KCNH8: variants seen among roughly 807,000 people sequenced by gnomAD.
KCNH8 encodes potassium voltage-gated channel subfamily H member 8.
KCNH8 carries 70 observed loss-of-function variants against 103.6 expected under a neutral mutation model. The observed-to-expected ratio is 0.68, with a 90% CI of 0.56 to 0.82. The LOEUF (loss-of-function observed/expected upper bound fraction) is 0.82, where lower values mean the gene tolerates loss of function less well. Ranked by LOEUF, KCNH8 falls within the 40% of genes least tolerant of loss-of-function variation. The pLI is 0.00. For missense variants in KCNH8, 1,217 were observed against 1,329.9 expected (o/e 0.92, Z 1.32); for synonymous variants, 498 against 489.4 (o/e 1.02, Z -0.23).
At chr3:19,497,857 T>A (rs1335990868) in intron 11 of KCNH8, among the ~76,000 whole-genome samples, 1 of 152,194 alleles carries the variant, frequency 6.6e-6, no homozygotes, top group Non-Finnish European at 1.5e-5. Flanking sequence ...CTCCCACTAC[T>A]ATTATGTGGG....
chr3:19,289,174 G>A (rs2064881038), intron 3 of KCNH8, among the ~76,000 whole-genome samples: 1 of 151,866 alleles, frequency 6.6e-6, no homozygotes, highest in Non-Finnish European at 1.5e-5. Context: ...CATTCTGTAG[G>A]TTGCCTGTTC....
intron 5 of KCNH8, among the ~76,000 whole-genome samples, chr3:19,352,692 A>C (rs1344235820): frequency 6.6e-6 from 1 of 152,150 alleles, no homozygotes; most frequent in Admixed American, 6.6e-5. Context: ...CAGTGAGAAC[A>C]AAGACACAAC....
intron 1 of KCNH8, among the ~76,000 whole-genome samples, chr3:19,202,986 C>A (rs1210555382): frequency 6.6e-6 from 1 of 152,088 alleles, no homozygotes; most frequent in African/African-American, 2.4e-5. Flanking sequence ...ATACTGTTTG[C>A]ATTTTGTTCA....
intron 1 of KCNH8, among the ~76,000 whole-genome samples, chr3:19,172,238 G>A (rs2063355245): frequency 6.6e-6 from 1 of 152,092 alleles, no homozygotes; most frequent in African/African-American, 2.4e-5. Flanking sequence ...GTACCTCAGA[G>A]AAAGAGGGGG....
At chr3:19,238,568 T>C (rs2064094267) in intron 1 of KCNH8, among the ~76,000 whole-genome samples, 1 of 152,206 alleles carries the variant, frequency 6.6e-6, no homozygotes, top group African/African-American at 2.4e-5. Context: ...AGGAAATACA[T>C]TTTGCTTTCC....
chr3:19,320,517 T>A (rs2065335870), intron 3 of KCNH8, among the ~76,000 whole-genome samples: 1 of 152,012 alleles, frequency 6.6e-6, no homozygotes, highest in Non-Finnish European at 1.5e-5. Context: ...CCTACATTAC[T>A]GGTATGAAAC....
At chr3:19,485,015 T>C (rs992368746) in intron 11 of KCNH8, among the ~76,000 whole-genome samples, 11 of 152,192 alleles carry the variant, frequency 7.2e-5, no homozygotes, top group African/African-American at 2.4e-4. Flanking sequence ...TTTTCTGACA[T>C]ACTTTTTTAA....
intron 11 of KCNH8, among the ~76,000 whole-genome samples, chr3:19,486,523 T>C (rs914519687): frequency 2.0e-5 from 3 of 152,232 alleles, no homozygotes; most frequent in African/African-American, 7.2e-5. Flanking sequence ...CTAGTTGTTT[T>C]GAGAGATAGG....
At chr3:19,301,912 A>T (rs978808889) in intron 3 of KCNH8, among the ~76,000 whole-genome samples, 1 of 152,204 alleles carries the variant, frequency 6.6e-6, no homozygotes, top group Non-Finnish European at 1.5e-5. Context: ...AAAGGATACA[A>T]ATGAACAGAC....
chr3:19,219,844 A>G (rs2063854815), intron 1 of KCNH8, among the ~76,000 whole-genome samples: 1 of 152,180 alleles, frequency 6.6e-6, no homozygotes, highest in African/African-American at 2.4e-5. Flanking sequence ...GAAGGGACCT[A>G]TTACTCAGGT....
Position 19,483,929 on chromosome 3 carries a change from G to A in KCNH8, c.2041-26434G>A, listed in dbSNP as rs145322220. On this transcript the variant is annotated intron_variant, in intron 11 of 15. Coordinates refer to ENST00000328405, the MANE Select transcript of KCNH8 (RefSeq NM_144633.3). The stretch of plus-strand genomic sequence containing the variant: ...TATTTTTTATTCAAATGGCCTAAAT[G>A]ACACAAGACCAGTATTTACATTTAT... Among the ~76,000 whole-genome samples the A allele has an allele frequency of 2.5e-4, 38 of 152,070 alleles. No homozygotes were observed. In the East Asian group the frequency reaches 7.1e-3, roughly 29 times the overall value.
chr3:19,202,696 TTTTATG>T (rs1256787835), intron 1 of KCNH8, among the ~76,000 whole-genome samples: 1 of 152,136 alleles, frequency 6.6e-6, no homozygotes, highest in Non-Finnish European at 1.5e-5. Flanking sequence ...TTGTTATTAT[TTTTATG>T]TTTATGTCTA....
chr3:19,234,057 C>A (rs968032949), intron 1 of KCNH8, among the ~76,000 whole-genome samples: 2 of 152,166 alleles, frequency 1.3e-5, no homozygotes, highest in African/African-American at 4.8e-5. Context: ...CTGCTGGCAC[C>A]GGCAGCCTGC....
At chr3:19,513,886 C>A (rs974339600) in intron 13 of KCNH8, among the ~76,000 whole-genome samples, 1 of 151,910 alleles carries the variant, frequency 6.6e-6, no homozygotes, top group Non-Finnish European at 1.5e-5. Context: ...TGATTGAAAG[C>A]GTGAAAAATC....
At chr3:19,172,452 G>A (rs970233229) in intron 1 of KCNH8, among the ~76,000 whole-genome samples, 2 of 152,034 alleles carry the variant, frequency 1.3e-5, no homozygotes, top group Non-Finnish European at 2.9e-5. Context: ...ATAATAGAAA[G>A]TGTTTTTCTA....
chr3:19,488,468 T>G (rs1195764206), intron 11 of KCNH8, among the ~76,000 whole-genome samples: 2 of 152,232 alleles, frequency 1.3e-5, no homozygotes, highest in African/African-American at 4.8e-5. Flanking sequence ...TTTCCTGTTA[T>G]CTTCTGTGCT....
chr3:19,279,006 A>G (rs964828316), intron 2 of KCNH8, among the ~76,000 whole-genome samples: 3 of 152,150 alleles, frequency 2.0e-5, no homozygotes, highest in Non-Finnish European at 4.4e-5. Flanking sequence ...GAAAATTAAT[A>G]GCCTCGGTTA....
intron 1 of KCNH8, among the ~76,000 whole-genome samples, chr3:19,211,923 G>A (rs536577756): frequency 6.6e-6 from 1 of 152,292 alleles, no homozygotes; most frequent in African/African-American, 2.4e-5. Context: ...TGGGTGGTAT[G>A]TTAATCACTG....
At chr3:19,463,681 T>C (rs1044293225) in intron 11 of KCNH8, among the ~76,000 whole-genome samples, 1 of 152,082 alleles carries the variant, frequency 6.6e-6, no homozygotes. Flanking sequence ...TGCAGAAAAA[T>C]ATGTCACTAC....
Sources: gnomAD v4.1 joint callset for allele counts (sites outside exome capture counted in the v4.1 genomes callset) on GRCh38, gnomAD v4.1.1 for gene constraint, MANE v1.5 for transcripts, NCBI Gene and HGNC (gene_info 2026-07-23, HGNC 2026-07-21) for gene names.